The following ZNF407 variants were observed in gnomAD, a reference collection of about 807,000 sequenced individuals.
The protein encoded by ZNF407 is zinc finger protein 407.
ZNF407 carries 17 observed loss-of-function variants against 131.2 expected under a neutral mutation model. The observed-to-expected ratio is 0.13, with a 90% confidence interval of 0.09 to 0.19. The LOEUF (loss-of-function observed/expected upper bound fraction) is 0.19, where lower values mean the gene tolerates loss of function less well. Ranked by LOEUF, ZNF407 falls within the 10% of genes least tolerant of loss-of-function variation. The pLI is 1.00. For synonymous variants in ZNF407, 1,156 were observed against 1,062.0 expected, an observed-to-expected ratio of 1.09 and a Z score of -1.72; for missense variants, 2,681 against 2,830.6, an observed-to-expected ratio of 0.95 and a Z score of 1.20.
intron 3 of ZNF407, among the ~76,000 whole-genome samples, chr18:74,701,550 C>T (rs188573790): frequency 6.6e-6 from 1 of 152,242 alleles, no homozygotes; most frequent in East Asian, 1.9e-4. Flanking sequence ...TACCAGAAAG[C>T]TTCTCTTGCT....
At chr18:74,873,928 G>A (rs933073769) in intron 4 of ZNF407, among the ~76,000 whole-genome samples, 1 of 152,182 alleles carries the variant, frequency 6.6e-6, no homozygotes, top group East Asian at 1.9e-4. Context: ...CTCTTGAGAA[G>A]TCTGGATCCA....
intron 1 of ZNF407, among the ~76,000 whole-genome samples, chr18:74,624,298 ATTC>A (rs989058599): frequency 1.3e-5 from 2 of 152,106 alleles, no homozygotes; most frequent in Non-Finnish European, 1.5e-5. Context: ...TGATTTTTGA[ATTC>A]TTCTTTAAAA....
At chr18:75,003,287 G>C (rs144507643) in intron 8 of ZNF407, among the ~76,000 whole-genome samples, 48 of 152,328 alleles carry the variant, frequency 3.2e-4, no homozygotes, top group African/African-American at 1.1e-3. Context: ...CTGTGACTCA[G>C]TGTGTTTGAC....
At chr18:75,002,223 C>G (rs1040410795) in intron 8 of ZNF407, among the ~76,000 whole-genome samples, 1 of 152,226 alleles carries the variant, frequency 6.6e-6, no homozygotes, top group African/African-American at 2.4e-5. Context: ...ACTGTTAGAG[C>G]TCCTCGTGAT....
chr18:74,732,225 A>G (rs1406471670), intron 3 of ZNF407, among the ~76,000 whole-genome samples: 1 of 152,084 alleles, frequency 6.6e-6, no homozygotes, highest in African/African-American at 2.4e-5. Context: ...AAAAATTCTT[A>G]TTGTCGTGAA....
Position 74,660,753 on chromosome 18 carries a change from A to G in ZNF407, c.4802+19631A>G, listed in dbSNP as rs1233163970. Among the ~76,000 whole-genome samples the G allele has an allele frequency of 2.6e-5, 4 of 152,192 alleles. No individual in the cohort carries two copies. In the East Asian group the frequency reaches 5.8e-4, roughly 22 times the overall value. ...AAAATGTTATTAGGGGAGATTATAG[A>G]CACACTGGGAAAAATTATTTTAAGA... On this transcript the variant is annotated intron_variant, in intron 3 of 8. Transcript: ENST00000299687.
chr18:75,031,909 A>G lies in ZNF407; in HGVS notation c.5429-31241A>G, dbSNP rs997922854. Among the ~76,000 whole-genome samples the G allele has an allele frequency of 5.3e-5, 8 of 152,326 alleles. No individual in the cohort carries two copies. In the South Asian group the frequency reaches 6.2e-4, roughly 12 times the overall value. Reference sequence around the variant, plus strand: ...TCTTTAGGGTTTACAGCACTTGGCAATTTTTAGCAGCTGATCCAGGAAAAC... The same window carrying G: ...TCTTTAGGGTTTACAGCACTTGGCAGTTTTTAGCAGCTGATCCAGGAAAAC... On this transcript the variant is annotated intron_variant, in intron 8 of 8. Coordinates refer to ENST00000299687, the MANE Select transcript of ZNF407 (RefSeq NM_017757.3).
intron 1 of ZNF407, among the ~76,000 whole-genome samples, chr18:74,601,117 G>A (rs1982558889): frequency 6.6e-6 from 1 of 152,176 alleles, no homozygotes; most frequent in Non-Finnish European, 1.5e-5. Flanking sequence ...ACACTGATGT[G>A]TCTGCTTCGG....
At chr18:74,896,354 G>A (rs1316560289) in intron 7 of ZNF407, among the ~76,000 whole-genome samples, 1 of 152,150 alleles carries the variant, frequency 6.6e-6, no homozygotes, top group Admixed American at 6.5e-5. Context: ...TATTGTAACT[G>A]CCAATCTAGT....
rs868469814 is a variant in ZNF407 at position 74,766,056 on chromosome 18, T to C, written c.4803-15372T>C. On this transcript the variant is annotated intron_variant, in intron 3 of 8. Transcript: ENST00000299687. Reference sequence around the variant, plus strand: ...GTGTGTGTGTGTGTGTGTGTGTGTGTCTGTGTCTGTGTGTCTGTGTGTGTG... The same window carrying C: ...GTGTGTGTGTGTGTGTGTGTGTGTGCCTGTGTCTGTGTGTCTGTGTGTGTG... Among the ~76,000 whole-genome samples the C allele has an allele frequency of 1.0e-3, 150 of 149,550 alleles. 1 individual carries two copies. Among genetic ancestry groups the C allele is most frequent in the Middle Eastern group, 3.5e-3 (1 of 288 alleles).
chr18:74,736,386 A>G (rs192285725), intron 3 of ZNF407, among the ~76,000 whole-genome samples: 15 of 152,296 alleles, frequency 9.8e-5, no homozygotes, highest in Admixed American at 2.6e-4. Flanking sequence ...ATAAAAGAAA[A>G]TGGTTTTTTA....
chr18:74,812,369 TA>T (rs1970209236), intron 4 of ZNF407, among the ~76,000 whole-genome samples: 1 of 152,228 alleles, frequency 6.6e-6, no homozygotes, highest in Non-Finnish European at 1.5e-5. Context: ...GTTTCACATA[TA>T]CTACCTTCAA....
At chr18:74,853,659 G>A (rs1230881036) in intron 4 of ZNF407, among the ~76,000 whole-genome samples, 1 of 152,118 alleles carries the variant, frequency 6.6e-6, no homozygotes, top group Non-Finnish European at 1.5e-5. Context: ...AGAACCATCT[G>A]TACTTCTGCC....
intron 2 of ZNF407, among the ~76,000 whole-genome samples, chr18:74,636,761 A>C (rs535903648): frequency 1.3e-5 from 2 of 152,368 alleles, no homozygotes; most frequent in African/African-American, 4.8e-5. Flanking sequence ...GCATAAGATT[A>C]ATGTAAATAA....
rs189959778 is a variant in ZNF407 at position 74,959,391 on chromosome 18, C to T, written c.5428+38699C>T. ...ATTTGGACTCTGGCTCCTAAGTCTC[C>T]TTTTAGTCCTCCTGATTCTAACATC... On this transcript the variant is annotated intron_variant, in intron 8 of 8. Transcript: ENST00000299687. Among the ~76,000 whole-genome samples, 5 of 152,294 alleles carry T rather than the reference C, an allele frequency of 3.3e-5. No homozygotes were observed. The East Asian group carries it at 9.7e-4, about 29-fold the overall frequency.
intron 4 of ZNF407, among the ~76,000 whole-genome samples, chr18:74,792,497 G>C (rs533038136): frequency 6.7e-6 from 1 of 148,264 alleles, no homozygotes; most frequent in South Asian, 2.2e-4. Context: ...CTTATTTCTG[G>C]ATAACAAGTC....
chr18:75,031,757 A>G (rs1262372978), intron 8 of ZNF407, among the ~76,000 whole-genome samples: 2 of 152,232 alleles, frequency 1.3e-5, no homozygotes, highest in African/African-American at 2.4e-5. Flanking sequence ...GAGCATTTTC[A>G]TAATAACCAA....
Position 74,634,783 on chromosome 18 carries a change from A to T in ZNF407, c.3764A>T (p.Asp1255Val). 1.2e-6 allele frequency: 2 copies of T among 1,614,008 alleles called. No homozygotes were observed. The highest frequency in any genetic ancestry group is 1.7e-6 in the Non-Finnish European group (2 of 1,179,890). The stretch of plus-strand genomic sequence containing the variant: ...AGACACCTGTGCCCTGTGACGCTCG[A>T]TGGGGAGCGCTCGGCTGAAAGCCCT... ...PHRHLCPVTL[D>V]GERSAESPVL... The change falls in exon 2 of 9, where the codon GAT (aspartate) becomes GTT (valine). Residue 1255 changes from aspartate to valine, a missense_variant. Physicochemically the swap from Asp to Val is radical, Grantham distance 152. Around this residue, in one of 6 missense-constraint regions of ZNF407, gnomAD observed 1,789 missense variants for 1,748.7 expected, o/e 1.02. Coordinates refer to ENST00000299687, the MANE Select transcript of ZNF407 (RefSeq NM_017757.3).
chr18:74,770,431 C>CA (rs1434073716), intron 3 of ZNF407, among the ~76,000 whole-genome samples: 1 of 151,942 alleles, frequency 6.6e-6, no homozygotes, highest in East Asian at 1.9e-4. Flanking sequence ...AAGAAAACCT[C>CA]AAAAAACAAA....
Sources: gnomAD v4.1 joint callset for allele counts (sites outside exome capture counted in the v4.1 genomes callset) on GRCh38, gnomAD v4.1.1 for gene constraint, gnomAD v4.1.1 regional missense constraint, MANE v1.5 for transcripts, NCBI Gene and HGNC (gene_info 2026-07-23, HGNC 2026-07-21) for gene names.